Variants in GDA observed in about 807,000 individuals in gnomAD.
GDA encodes the protein cytoplasmic PSD-95 interactor.
In GDA, 18 loss-of-function variants were observed where a neutral mutation model predicts 59.6. That is an observed-to-expected ratio of 0.30 (90% CI 0.21 to 0.45). The LOEUF is 0.45. Ranked by LOEUF, GDA falls within the 20% of genes least tolerant of loss-of-function variation. GDA has a pLI of 1.00. For synonymous variants in GDA, 201 were observed against 201.1 expected (o/e 1.00, Z 0.00); for missense variants, 427 against 552.3 (o/e 0.77, Z 2.27).
chr9:72,213,814 A>C, intron 4 of GDA, 72 bp from the exon 5 acceptor site: 1 of 922,208 alleles, frequency 1.1e-6, no homozygotes, highest in Non-Finnish European at 1.7e-6. Flanking sequence ...AAAAAAAAAA[A>C]AAAAAGAAAA....
intron 1 of GDA, among the ~76,000 whole-genome samples, chr9:72,121,126 T>C (rs1172393926): frequency 1.3e-5 from 2 of 152,196 alleles, no homozygotes; most frequent in African/African-American, 4.8e-5. Context: ...GTACCAAACA[T>C]GGTAGGTACT....
chr9:72,255,025 T>C (rs548935015), downstream of GDA, among the ~76,000 whole-genome samples: 4 of 152,296 alleles, frequency 2.6e-5, no homozygotes, highest in South Asian at 2.1e-4. Flanking sequence ...GCAGAACAGA[T>C]GAGCCCTCAA....
At chr9:72,177,873 A>T (rs1830721655) in intron 1 of GDA, among the ~76,000 whole-genome samples, 1 of 152,236 alleles carries the variant, frequency 6.6e-6, no homozygotes, top group Non-Finnish European at 1.5e-5. Flanking sequence ...CTCTGGCTGT[A>T]GACTTTAGAG....
At chr9:72,209,510 C>A (rs1188420750) in intron 3 of GDA, among the ~76,000 whole-genome samples, 1 of 151,992 alleles carries the variant, frequency 6.6e-6, no homozygotes, top group African/African-American at 2.4e-5. Context: ...TGTTTTATTT[C>A]TTTGAGGATG....
downstream of GDA, among the ~76,000 whole-genome samples, chr9:72,259,525 G>A (rs1435182233): frequency 6.6e-6 from 1 of 152,156 alleles, no homozygotes; most frequent in Non-Finnish European, 1.5e-5. Context: ...GGTGCCTTTT[G>A]AAGCCATGGA....
At chr9:72,155,867 T>G (rs879869141) in intron 1 of GDA, among the ~76,000 whole-genome samples, 4 of 152,192 alleles carry the variant, frequency 2.6e-5, no homozygotes, top group Non-Finnish European at 4.4e-5. Flanking sequence ...TCAAGTTCCT[T>G]ACCATTTGTA....
chr9:72,174,773 G>A (rs1830366528), intron 1 of GDA, among the ~76,000 whole-genome samples: 1 of 152,030 alleles, frequency 6.6e-6, no homozygotes, highest in Non-Finnish European at 1.5e-5. Flanking sequence ...GAGAGAGAGA[G>A]AGAGAGACAG....
chr9:72,200,481 C>G (rs557143520), intron 2 of GDA, among the ~76,000 whole-genome samples: 28 of 149,916 alleles, frequency 1.9e-4, no homozygotes, highest in African/African-American at 6.6e-4. Flanking sequence ...TCCTCTCTGT[C>G]TCCCTCATTC....
upstream of GDA, among the ~76,000 whole-genome samples, chr9:72,145,518 C>T (rs1373920886): frequency 6.6e-6 from 1 of 152,206 alleles, no homozygotes; most frequent in Admixed American, 6.6e-5. Flanking sequence ...CCTTTTCAAA[C>T]AGTCAGGTTC....
chr9:72,182,570 G>A (rs768842043), intron 1 of GDA, among the ~76,000 whole-genome samples: 6 of 152,232 alleles, frequency 3.9e-5, no homozygotes, highest in Admixed American at 6.5e-5. Flanking sequence ...TTGGTCACTC[G>A]GCTGAGGTGG....
chr9:72,233,485 C>A (rs1564157300), intron 10 of GDA, among the ~76,000 whole-genome samples: 1 of 152,102 alleles, frequency 6.6e-6, no homozygotes, highest in Non-Finnish European at 1.5e-5. Context: ...GATTAAAAAG[C>A]ACATAGACTC....
At chr9:72,247,037 G>GAAA (rs1432175279) in intron 12 of GDA, among the ~76,000 whole-genome samples, 2 of 152,030 alleles carry the variant, frequency 1.3e-5, no homozygotes, top group African/African-American at 4.8e-5. Context: ...TAACAAAACA[G>GAAA]AACAACAACA....
intron 1 of GDA, among the ~76,000 whole-genome samples, chr9:72,129,926 G>A (rs554212557): frequency 1.5e-3 from 223 of 152,316 alleles, no homozygotes; most frequent in African/African-American, 4.4e-3. Context: ...CCAACAAGAT[G>A]AGATAAGACC....
intron 3 of GDA, among the ~76,000 whole-genome samples, chr9:72,207,130 A>C (rs938647977): frequency 2.6e-5 from 4 of 152,030 alleles, no homozygotes; most frequent in African/African-American, 9.7e-5. Flanking sequence ...ATCCCAATTC[A>C]TTCTCAGTTT....
At chr9:72,166,851 T>C (rs2130904515) in intron 1 of GDA, among the ~76,000 whole-genome samples, 1 of 152,302 alleles carries the variant, frequency 6.6e-6, no homozygotes, top group South Asian at 2.1e-4. Context: ...ACCAATTTCC[T>C]TTTTCTCAGA....
intron 1 of GDA, among the ~76,000 whole-genome samples, chr9:72,170,961 C>T (rs759877472): frequency 8.5e-5 from 13 of 152,124 alleles, no homozygotes; most frequent in South Asian, 8.3e-4. Context: ...GGACTACAGG[C>T]GTGCACCACC....
chr9:72,225,730 C>G lies in GDA; in HGVS notation c.768C>G (p.Pro256=). Residue 256 remains proline, a synonymous_variant, in exon 8 of 14, where the codon CCC becomes CCG. Coordinates refer to ENST00000358399, the MANE Select transcript of GDA (RefSeq NM_004293.5). ...TTGAAGCTGTGAAAAACTTATACCC[C>G]AGTTATAAAAACTACACATCTGTGT... is the stretch of plus-strand genomic sequence containing the variant. The part of the protein sequence containing the change: ...DEVEAVKNLY[P]SYKNYTSVYD... The G allele has an allele frequency of 6.4e-7, 1 of 1,555,524 alleles. No homozygotes were observed. Among genetic ancestry groups the G allele is most frequent in the Non-Finnish European group, 8.8e-7 (1 of 1,132,534 alleles).
At chr9:72,213,535 G>C (rs1835655644) in intron 4 of GDA, among the ~76,000 whole-genome samples, 1 of 151,982 alleles carries the variant, frequency 6.6e-6, no homozygotes, top group African/African-American at 2.4e-5. Context: ...CGGGCGCGGT[G>C]GCTCACGCCT....
intron 1 of GDA, among the ~76,000 whole-genome samples, chr9:72,137,574 C>A (rs1826285128): frequency 6.6e-6 from 1 of 151,956 alleles, no homozygotes; most frequent in African/African-American, 2.4e-5. Flanking sequence ...CTACAATTTT[C>A]TAAGACTCTG....
Sources: gnomAD v4.1 joint callset for allele counts (sites outside exome capture counted in the v4.1 genomes callset) on GRCh38, gnomAD v4.1.1 for gene constraint, MANE v1.5 for transcripts, NCBI Gene and HGNC (gene_info 2026-07-23, HGNC 2026-07-21) for gene names.